Variants in ESRRG observed in about 807,000 individuals in gnomAD.
ESRRG encodes the protein estrogen-related receptor gamma.
In ESRRG, 13 loss-of-function variants were observed where a neutral mutation model predicts 44.0. The ratio of observed to expected loss-of-function variants is 0.30; its 90% CI spans 0.19 to 0.47. The LOEUF (loss-of-function observed/expected upper bound fraction) is 0.47. ESRRG is among the 20% of genes least tolerant of loss of function. The probability of loss-of-function intolerance (pLI) is 1.00; values close to 1 mark genes in which losing one functional copy is unlikely to be tolerated. For synonymous variants in ESRRG, 215 were observed against 214.6 expected (o/e 1.00, Z -0.02); for missense variants, 395 against 580.6 (o/e 0.68, Z 3.29).
At chr1:216,989,407 G>A (rs986657661) in intron 1 of ESRRG, among the ~76,000 whole-genome samples, 1 of 133,606 alleles carries the variant, frequency 7.5e-6, no homozygotes, top group Non-Finnish European at 1.5e-5. Flanking sequence ...CACTCTGTCT[G>A]CATGGTAGAG....
Position 216,907,906 on chromosome 1 carries a change from T to C in ESRRG, c.-14+31676A>G, listed in dbSNP as rs566831065. Among the ~76,000 whole-genome samples, 5 of 152,332 alleles carry C rather than the reference T, an allele frequency of 3.3e-5. No individual in the cohort carries two copies. In the South Asian group the frequency reaches 8.3e-4, roughly 25 times the overall value. On this transcript the variant is annotated intron_variant, in intron 2 of 7. Coordinates refer to the ESRRG transcript ENST00000359162. ...GTGCAAATGTACCCTTCTTCTCTTA[T>C]GTTAAAACATATTCCACAGGGAGAA...
intron 5 of ESRRG, among the ~76,000 whole-genome samples, chr1:216,530,133 A>AAAAG (rs1491152312): frequency 1.5e-5 from 2 of 135,952 alleles, no homozygotes; most frequent in African/African-American, 5.8e-5. Context: ...AAAAAAAAAA[A>AAAAG]GGGGGTGGGG....
chr1:217,052,273 A>T (rs1336776934), intron 1 of ESRRG, among the ~76,000 whole-genome samples: 1 of 152,226 alleles, frequency 6.6e-6, no homozygotes, highest in African/African-American at 2.4e-5. Context: ...CTTCAGCAGA[A>T]GTGCCAGAGA....
intron 2 of ESRRG, among the ~76,000 whole-genome samples, chr1:216,817,283 A>T (rs767397932): frequency 6.6e-6 from 1 of 152,234 alleles, no homozygotes; most frequent in Non-Finnish European, 1.5e-5. Flanking sequence ...AATGTATTTC[A>T]ATAGAATAGC....
intron 1 of ESRRG, among the ~76,000 whole-genome samples, chr1:217,098,821 T>G (rs1008538396): frequency 2.0e-5 from 3 of 152,130 alleles, no homozygotes; most frequent in Admixed American, 1.3e-4. Context: ...AGGACTAACA[T>G]CCCATGGAAT....
At chr1:216,734,904 C>CTTTTTTTTTT (rs11309409) in intron 2 of ESRRG, among the ~76,000 whole-genome samples, 5 of 100,374 alleles carry the variant, frequency 5.0e-5, no homozygotes, top group African/African-American at 2.0e-4. Context: ...GTTCCATATT[C>CTTTTTTTTTT]TTTTTTTTTT....
At chr1:217,002,229 G>A (rs555209264) in intron 1 of ESRRG, among the ~76,000 whole-genome samples, 28 of 150,622 alleles carry the variant, frequency 1.9e-4, no homozygotes, top group African/African-American at 6.6e-4. Context: ...TTGAACCCAG[G>A]AGGCAGAGCT....
intron 1 of ESRRG, chr1:216,686,225 G>C (rs909015075): frequency 1.3e-5 from 2 of 151,924 alleles, no homozygotes; most frequent in African/African-American, 4.8e-5. Context: ...AGGGAGGAGG[G>C]GAACTCAGCT....
At chr1:216,526,054 C>T (rs1485325645) in intron 5 of ESRRG, among the ~76,000 whole-genome samples, 1 of 152,140 alleles carries the variant, frequency 6.6e-6, no homozygotes, top group African/African-American at 2.4e-5. Context: ...TTTAAAGAGT[C>T]TGTGGAAAAC....
intron 1 of ESRRG, among the ~76,000 whole-genome samples, chr1:216,995,691 C>T (rs1038259409): frequency 2.0e-5 from 3 of 152,150 alleles, no homozygotes; most frequent in African/African-American, 7.2e-5. Context: ...CTAGAATCTC[C>T]TTCAGGCAGA....
intron 2 of ESRRG, among the ~76,000 whole-genome samples, chr1:216,673,104 G>A (rs2075493309): frequency 6.6e-6 from 1 of 151,990 alleles, no homozygotes; most frequent in African/African-American, 2.4e-5. Flanking sequence ...GGAGGGGAGG[G>A]AGAGACTACG....
At chr1:216,534,853 C>T (rs534048600) in intron 5 of ESRRG, among the ~76,000 whole-genome samples, 4 of 152,228 alleles carry the variant, frequency 2.6e-5, no homozygotes, top group South Asian at 2.1e-4. Context: ...GTCCTTTTGA[C>T]GGCATCAGCC....
At chr1:216,536,302 G>T (rs781749722) in intron 5 of ESRRG, among the ~76,000 whole-genome samples, 2 of 151,870 alleles carry the variant, frequency 1.3e-5, no homozygotes, top group African/African-American at 2.4e-5. Context: ...TGTCTCATTG[G>T]CAACTCATAT....
chr1:216,671,853 A>T (rs148938413), intron 2 of ESRRG, among the ~76,000 whole-genome samples: 2,530 of 152,236 alleles, frequency 0.017, 61 homozygotes, highest in African/African-American at 0.057. Flanking sequence ...TTTCTTTATT[A>T]TATGGACATA....
At chr1:217,082,473 A>T (rs1327471444) in intron 1 of ESRRG, among the ~76,000 whole-genome samples, 1 of 152,228 alleles carries the variant, frequency 6.6e-6, no homozygotes, top group African/African-American at 2.4e-5. Context: ...TCATACGGCA[A>T]TAAGTGATCC....
At chr1:217,090,459 A>G (rs942221461), upstream of ESRRG, 3 of 152,230 alleles carry the variant, frequency 2.0e-5, no homozygotes, top group African/African-American at 7.2e-5. Flanking sequence ...CGGCACCAAG[A>G]CAGCGAGGAG....
intron 1 of ESRRG, among the ~76,000 whole-genome samples, chr1:216,978,678 C>T (rs1481183728): frequency 6.6e-6 from 1 of 152,138 alleles, no homozygotes; most frequent in African/African-American, 2.4e-5. Context: ...TCTTCCATGA[C>T]AGTCAGAGCA....
At chr1:217,006,901 G>A (rs1335364357) in intron 1 of ESRRG, among the ~76,000 whole-genome samples, 1 of 152,038 alleles carries the variant, frequency 6.6e-6, no homozygotes, top group Non-Finnish European at 1.5e-5. Context: ...CTGAACTGTG[G>A]TCAAAGTAAT....
intron 2 of ESRRG, among the ~76,000 whole-genome samples, chr1:216,884,529 A>G (rs2096491069): frequency 6.6e-6 from 1 of 152,192 alleles, no homozygotes; most frequent in African/African-American, 2.4e-5. Flanking sequence ...TAGAATAATC[A>G]TATCAGCAAA....
Sources: gnomAD v4.1 joint callset for allele counts (sites outside exome capture counted in the v4.1 genomes callset) on GRCh38, gnomAD v4.1.1 for gene constraint, MANE v1.5 for transcripts, NCBI Gene and HGNC (gene_info 2026-07-23, HGNC 2026-07-21) for gene names.